Variants in LINGO2 observed in about 807,000 individuals in gnomAD.
LINGO2 encodes the protein leucine rich repeat and Ig domain containing 2, also known as leucine-rich repeat and immunoglobulin-like domain-containing nogo receptor-interacting protein 2.
LINGO2 carries 14 observed loss-of-function variants against 30.6 expected under a neutral mutation model. The observed-to-expected ratio is 0.46, with a 90% confidence interval of 0.30 to 0.72. The LOEUF is 0.72. Among genes scored for constraint, LINGO2 ranks in the 30% least tolerant of loss-of-function variants. LINGO2 has a pLI of 0.07. For missense variants in LINGO2, 729 were observed against 751.7 expected, an observed-to-expected ratio of 0.97 and a Z score of 0.35; for synonymous variants, 317 against 288.5, an observed-to-expected ratio of 1.10 and a Z score of -1.00.
chr9:27,953,970 G>A (rs1399760958), intron 5 of LINGO2, among the ~76,000 whole-genome samples: 1 of 151,930 alleles, frequency 6.6e-6, no homozygotes, highest in Non-Finnish European at 1.5e-5. Context: ...TGGGATTAAT[G>A]GTGATTTTCA....
At chr9:28,557,719 T>C (rs1449692253) in intron 1 of LINGO2, among the ~76,000 whole-genome samples, 4 of 150,976 alleles carry the variant, frequency 2.6e-5, no homozygotes, top group Non-Finnish European at 4.4e-5. Context: ...GCGGCATTAT[T>C]CACAATAGCA....
Position 28,221,527 on chromosome 9 carries a change from C to G in LINGO2, c.-87+73681G>C, listed in dbSNP as rs117217580. The stretch of plus-strand genomic sequence containing the variant: ...GTGTTGGGATCCGATTTAAAAAAAG[C>G]ATATGATTTGGTGGTTCATAAATAA... On this transcript the variant is annotated intron_variant, in intron 4 of 5. Transcript: ENST00000379992. 1.1e-3 allele frequency among the ~76,000 whole-genome samples: 162 copies of G among 152,074 alleles called. 5 individuals carry two copies. The East Asian group carries it at 0.028, about 26-fold the overall frequency.
At chr9:27,982,742 T>C (rs1820940602) in intron 5 of LINGO2, among the ~76,000 whole-genome samples, 2 of 151,870 alleles carry the variant, frequency 1.3e-5, no homozygotes, top group South Asian at 4.1e-4. Context: ...AGAACCTGGA[T>C]ATGAATCTTA....
the LINGO2 span, among the ~76,000 whole-genome samples, chr9:28,873,137 G>T: frequency 3.9e-5 from 6 of 152,012 alleles, no homozygotes; most frequent in Non-Finnish European, 7.4e-5. Context: ...GGGAGGCCGA[G>T]GTGGGCGGAT....
At chr9:29,203,860 C>T in the LINGO2 span, among the ~76,000 whole-genome samples, 1 of 152,128 alleles carries the variant, frequency 6.6e-6, no homozygotes, top group Non-Finnish European at 1.5e-5. Flanking sequence ...GAAGTTCCTT[C>T]ACTTTGTGTA....
the LINGO2 span, among the ~76,000 whole-genome samples, chr9:29,144,668 A>G: frequency 6.6e-6 from 1 of 152,058 alleles, no homozygotes. Context: ...TCTTCCTCAT[A>G]TCACCAGTTA....
chr9:28,838,177 T>A, the LINGO2 span, among the ~76,000 whole-genome samples: 1 of 152,118 alleles, frequency 6.6e-6, no homozygotes, highest in Admixed American at 6.6e-5. Flanking sequence ...AGTGACATTT[T>A]CCAAAAGCTA....
At chr9:28,321,951 AT>A (rs1473729027) in intron 3 of LINGO2, among the ~76,000 whole-genome samples, 2 of 152,170 alleles carry the variant, frequency 1.3e-5, no homozygotes, top group Admixed American at 1.3e-4. Context: ...TTTGATGCAT[AT>A]TTTTATACAT....
chr9:28,744,887 G>C, the LINGO2 span, among the ~76,000 whole-genome samples: 1 of 151,726 alleles, frequency 6.6e-6, no homozygotes, highest in South Asian at 2.1e-4. Flanking sequence ...CACTCACCAA[G>C]GCCTCCCAAA....
the LINGO2 span, among the ~76,000 whole-genome samples, chr9:29,099,903 T>C: frequency 1.3e-5 from 2 of 152,172 alleles, no homozygotes; most frequent in East Asian, 3.9e-4. Flanking sequence ...AGAAAGGAAA[T>C]TACTATATTG....
intron 4 of LINGO2, among the ~76,000 whole-genome samples, chr9:28,081,943 C>A (rs1825784963): frequency 1.3e-5 from 2 of 152,010 alleles, no homozygotes; most frequent in South Asian, 4.2e-4. Flanking sequence ...TAAGGGAATG[C>A]CTTCATTATT....
chr9:28,836,883 T>A, the LINGO2 span, among the ~76,000 whole-genome samples: 1 of 152,272 alleles, frequency 6.6e-6, no homozygotes, highest in African/African-American at 2.4e-5. Flanking sequence ...GTGAATAAGG[T>A]CTCCTAACAC....
the LINGO2 span, among the ~76,000 whole-genome samples, chr9:28,985,486 G>T: frequency 2.6e-5 from 4 of 151,858 alleles, no homozygotes; most frequent in Admixed American, 6.6e-5. Flanking sequence ...CCACCAACAG[G>T]GTACAAAATT....
intron 4 of LINGO2, among the ~76,000 whole-genome samples, chr9:28,082,401 G>A (rs1825796708): frequency 6.6e-6 from 1 of 152,132 alleles, no homozygotes. Context: ...GCTGTTGGTT[G>A]TGTGATTATG....
the LINGO2 span, among the ~76,000 whole-genome samples, chr9:29,132,966 C>G: frequency 6.6e-6 from 1 of 151,970 alleles, no homozygotes; most frequent in African/African-American, 2.4e-5. Flanking sequence ...GGTAATCCTC[C>G]TGCCTTAGCT....
chr9:28,526,279 G>T (rs1003695285), intron 1 of LINGO2, among the ~76,000 whole-genome samples: 6 of 152,080 alleles, frequency 3.9e-5, no homozygotes, highest in Non-Finnish European at 8.8e-5. Context: ...AGAATCCTTT[G>T]AGTGCTCAGC....
intron 4 of LINGO2, among the ~76,000 whole-genome samples, chr9:28,049,111 A>G (rs1209717113): frequency 6.6e-6 from 1 of 151,008 alleles, no homozygotes; most frequent in East Asian, 2.0e-4. Flanking sequence ...CACTAAGTGT[A>G]TGCAATGCCT....
At chr9:29,003,357 T>C in the LINGO2 span, among the ~76,000 whole-genome samples, 1 of 152,022 alleles carries the variant, frequency 6.6e-6, no homozygotes, top group Non-Finnish European at 1.5e-5. Context: ...TTCTGTAGTA[T>C]GTGTGGGAAA....
At chr9:28,193,290 C>A (rs1819886655) in intron 4 of LINGO2, among the ~76,000 whole-genome samples, 1 of 152,076 alleles carries the variant, frequency 6.6e-6, no homozygotes, top group Non-Finnish European at 1.5e-5. Context: ...TGTTATTTTA[C>A]TACAAAGTAA....
Sources: gnomAD v4.1 joint callset for allele counts (sites outside exome capture counted in the v4.1 genomes callset) on GRCh38, gnomAD v4.1.1 for gene constraint, MANE v1.5 for transcripts, NCBI Gene and HGNC (gene_info 2026-07-23, HGNC 2026-07-21) for gene names.